The following NLGN1 variants were observed in gnomAD, a reference collection of about 807,000 sequenced individuals.
NLGN1 encodes the protein neuroligin-1.
NLGN1 carries 12 observed loss-of-function variants against 65.5 expected under a neutral mutation model. That is an observed-to-expected ratio of 0.18 (90% CI 0.12 to 0.30). The LOEUF is 0.30. Among genes scored for constraint, NLGN1 ranks in the 10% least tolerant of loss-of-function variants. NLGN1 has a pLI of 1.00. For missense variants in NLGN1, 750 were observed against 1,007.1 expected (o/e 0.74, Z 3.46); for synonymous variants, 350 against 359.5 (o/e 0.97, Z 0.30).
At position 173,721,023 on chromosome 3, in the gene NLGN1, A is replaced by G. The variant is rs568280023; in HGVS notation, c.494-86657A>G. On this transcript the variant is annotated intron_variant, in intron 3 of 6. Transcript: ENST00000457714. ...GAAGCTTTTAGGCAGAAAGATCAGCACAAATGAAGGCTCTGCTTTTTATTA... is the reference window on the plus strand; with the variant it reads ...GAAGCTTTTAGGCAGAAAGATCAGCGCAAATGAAGGCTCTGCTTTTTATTA... Among the ~76,000 whole-genome samples the G allele has an allele frequency of 2.0e-5, 3 of 152,364 alleles. No individual in the cohort carries two copies. In the East Asian group the frequency reaches 5.8e-4, roughly 29 times the overall value.
intron 3 of NLGN1, among the ~76,000 whole-genome samples, chr3:173,767,344 G>C (rs559392764): frequency 3.3e-5 from 5 of 152,086 alleles, no homozygotes; most frequent in African/African-American, 1.2e-4. Context: ...ACCTATGTTA[G>C]GTAGATGAGT....
chr3:173,907,137 T>C (rs1738581500), intron 4 of NLGN1, among the ~76,000 whole-genome samples: 1 of 152,148 alleles, frequency 6.6e-6, no homozygotes, highest in South Asian at 2.1e-4. Context: ...CTGGTCAAGC[T>C]TAGAAGGCAG....
At chr3:173,612,528 A>G (rs1240647140) in intron 3 of NLGN1, among the ~76,000 whole-genome samples, 2 of 151,556 alleles carry the variant, frequency 1.3e-5, no homozygotes, top group Admixed American at 6.6e-5. Context: ...TAGTTGCATC[A>G]CTCCAATTTC....
At chr3:173,942,867 A>G (rs981157464) in intron 4 of NLGN1, among the ~76,000 whole-genome samples, 1 of 152,216 alleles carries the variant, frequency 6.6e-6, no homozygotes, top group African/African-American at 2.4e-5. Context: ...AATTAAACAT[A>G]CAATTTATTT....
chr3:173,791,900 A>C (rs1712856601), intron 3 of NLGN1, among the ~76,000 whole-genome samples: 2 of 152,098 alleles, frequency 1.3e-5, no homozygotes, highest in Admixed American at 1.3e-4. Context: ...GTCACTCAGT[A>C]GGGTCATTTC....
At chr3:173,799,482 A>T (rs1714922904) in intron 3 of NLGN1, among the ~76,000 whole-genome samples, 1 of 152,008 alleles carries the variant, frequency 6.6e-6, no homozygotes, top group South Asian at 2.1e-4. Context: ...TGATCCTATT[A>T]TAAATAACTA....
At chr3:173,564,060 G>C (rs558001308) in intron 2 of NLGN1, among the ~76,000 whole-genome samples, 8 of 152,270 alleles carry the variant, frequency 5.3e-5, no homozygotes, top group African/African-American at 1.9e-4. Flanking sequence ...CTCTTGTCTT[G>C]CTTCCCTCCT....
chr3:174,035,097 A>T (rs1730838946), intron 4 of NLGN1, among the ~76,000 whole-genome samples: 3 of 152,186 alleles, frequency 2.0e-5, no homozygotes, highest in Admixed American at 2.0e-4. Context: ...TCTGTGTCTA[A>T]CACCATGACA....
chr3:173,931,076 C>A (rs1053473548), intron 4 of NLGN1, among the ~76,000 whole-genome samples: 1 of 152,168 alleles, frequency 6.6e-6, no homozygotes, highest in Admixed American at 6.5e-5. Flanking sequence ...GGAGCCTAAT[C>A]TCAATCTCTA....
chr3:173,894,934 G>A (rs1046176177), intron 4 of NLGN1, among the ~76,000 whole-genome samples: 6 of 152,102 alleles, frequency 3.9e-5, no homozygotes, highest in African/African-American at 1.4e-4. Flanking sequence ...CCCTCACTCG[G>A]CCAATAAATT....
chr3:173,463,728 A>C (rs1168647125), intron 2 of NLGN1, among the ~76,000 whole-genome samples: 2 of 152,124 alleles, frequency 1.3e-5, no homozygotes, highest in African/African-American at 2.4e-5. Context: ...CAAGCAAAAC[A>C]CTGTATCATG....
intron 4 of NLGN1, among the ~76,000 whole-genome samples, chr3:174,106,271 A>C (rs1231133251): frequency 1.3e-5 from 2 of 152,108 alleles, no homozygotes; most frequent in Non-Finnish European, 2.9e-5. Flanking sequence ...ATATAGCATT[A>C]TGCCTGGTAT....
intron 4 of NLGN1, among the ~76,000 whole-genome samples, chr3:174,011,698 G>A (rs1725584735): frequency 6.6e-6 from 1 of 151,960 alleles, no homozygotes; most frequent in Non-Finnish European, 1.5e-5. Context: ...TTATTCATCT[G>A]TAAAATGGAG....
intron 3 of NLGN1, among the ~76,000 whole-genome samples, chr3:173,722,130 G>T (rs552896200): frequency 6.6e-6 from 1 of 152,076 alleles, no homozygotes; most frequent in South Asian, 2.1e-4. Flanking sequence ...TCCAAAGTTG[G>T]TGTCCACACA....
intron 4 of NLGN1, among the ~76,000 whole-genome samples, chr3:173,965,721 A>G (rs1191672816): frequency 6.6e-6 from 1 of 152,236 alleles, no homozygotes; most frequent in South Asian, 2.1e-4. Context: ...TCTTTTATTC[A>G]GTATCCAAAT....
At chr3:173,500,790 C>A (rs13065763) in intron 2 of NLGN1, among the ~76,000 whole-genome samples, 72,090 of 151,912 alleles carry the variant, frequency 0.47, 19,697 homozygotes, top group East Asian at 0.83. Flanking sequence ...AACTCCTCAG[C>A]ATGGGTTTAG....
intron 4 of NLGN1, among the ~76,000 whole-genome samples, chr3:173,902,310 A>C (rs1208831320): frequency 6.6e-6 from 1 of 152,122 alleles, no homozygotes; most frequent in Non-Finnish European, 1.5e-5. Flanking sequence ...ATAGGAATAC[A>C]CACATGACTG....
At chr3:173,641,966 GA>G (rs1046105307) in intron 3 of NLGN1, among the ~76,000 whole-genome samples, 53 of 149,732 alleles carry the variant, frequency 3.5e-4, no homozygotes, top group African/African-American at 1.7e-4. Context: ...CCCTTTACAA[GA>G]AAAAAAAAGT....
chr3:174,041,173 T>C (rs1425825562), intron 4 of NLGN1, among the ~76,000 whole-genome samples: 1 of 152,140 alleles, frequency 6.6e-6, no homozygotes, highest in African/African-American at 2.4e-5. Context: ...TTAATCACTG[T>C]GTGGATTTTT....
Sources: gnomAD v4.1 joint callset for allele counts (sites outside exome capture counted in the v4.1 genomes callset) on GRCh38, gnomAD v4.1.1 for gene constraint, MANE v1.5 for transcripts, NCBI Gene and HGNC (gene_info 2026-07-23, HGNC 2026-07-21) for gene names.